Variants in CYP39A1 observed in about 807,000 individuals in gnomAD.
CYP39A1 encodes the protein cytochrome P450 family 39 subfamily A member 1.
A neutral mutation model predicts 58.1 loss-of-function variants in CYP39A1; 49 were observed. That is an observed-to-expected ratio of 0.84 (90% CI 0.67 to 1.07). The LOEUF is 1.07. Ranked by LOEUF, CYP39A1 falls within the 50% of genes least tolerant of loss-of-function variation. The pLI, the probability that CYP39A1 is intolerant of heterozygous loss-of-function variation, is 0.00. For missense variants in CYP39A1, 531 were observed against 539.4 expected (o/e 0.98, Z 0.16); for synonymous variants, 209 against 187.6 (o/e 1.11, Z -0.93).
intron 6 of CYP39A1, among the ~76,000 whole-genome samples, chr6:46,626,099 A>T (rs7761583): frequency 0.2 from 29,943 of 151,842 alleles, 3,230 homozygotes; most frequent in African/African-American, 0.29. Flanking sequence ...AAGAAAAAAA[A>T]TTTTTGAGTC....
intron 10 of CYP39A1, among the ~76,000 whole-genome samples, chr6:46,585,461 G>A (rs1198253412): frequency 6.6e-6 from 1 of 152,126 alleles, no homozygotes; most frequent in East Asian, 1.9e-4. Context: ...CATTTGGTAT[G>A]TGACAAAAAC....
chr6:46,601,274 C>G (rs1319290463), intron 7 of CYP39A1, among the ~76,000 whole-genome samples: 1 of 152,212 alleles, frequency 6.6e-6, no homozygotes. Context: ...CCACTCTTGT[C>G]CAAGCCGTGA....
In CYP39A1 at chr6:46,630,972, A is replaced by G. The variant is rs1340007879; in HGVS notation, c.831T>C (p.Asn277=). 6.2e-7 allele frequency: 1 copy of G among 1,612,338 alleles called. No homozygotes were observed. The highest frequency in any genetic ancestry group is 1.7e-5 in the Admixed American group (1 of 60,020). ...TTACTAATATACTTACAGGAACAGC[A>G]TTAGACAGAGAAGCCCAAAGCAGTA... is the stretch of plus-strand genomic sequence containing the variant. ...GLLLLWASLS[N]AVPVAFWTLA... Residue 277 remains asparagine, a synonymous_variant, in exon 6 of 12, where the codon AAT becomes AAC. Transcript: ENST00000275016.
At chr6:46,585,358 GA>G (rs1346637265) in intron 10 of CYP39A1, among the ~76,000 whole-genome samples, 2 of 151,988 alleles carry the variant, frequency 1.3e-5, no homozygotes, top group Non-Finnish European at 2.9e-5. Flanking sequence ...TAGATAGATA[GA>G]TAGACAGACA....
In CYP39A1 at chr6:46,587,114, T is replaced by A. The variant is rs1226200373; in HGVS notation, c.1213A>T (p.Met405Leu). Residue 405 changes from methionine to leucine, a missense_variant, in exon 10 of 12, where the codon ATG becomes TTG. By Grantham distance (15) the Met-to-Leu change is conservative (BLOSUM62 2). Transcript: ENST00000275016. ...LEKHSFLDCF[M>L]AFGSGKFQCP... ...TGGAACTTCCCGCTTCCAAATGCCATGAAGCAGTCCAAGAAAGAGTGCTTC... is the reference window on the plus strand; with the variant it reads ...TGGAACTTCCCGCTTCCAAATGCCAAGAAGCAGTCCAAGAAAGAGTGCTTC... The A allele has an allele frequency of 9.9e-6, 16 of 1,612,158 alleles. No individual in the cohort carries two copies. Among genetic ancestry groups the A allele is most frequent in the Non-Finnish European group, 1.4e-5 (16 of 1,179,192 alleles).
intron 8 of CYP39A1, among the ~76,000 whole-genome samples, chr6:46,592,295 C>T (rs868707316): frequency 1.2e-4 from 19 of 152,068 alleles, no homozygotes; most frequent in African/African-American, 3.9e-4. Flanking sequence ...AGTTGCCCAA[C>T]AGAGGAGAAA....
chr6:46,635,193 A>C (rs1775906172), intron 5 of CYP39A1, among the ~76,000 whole-genome samples: 1 of 152,246 alleles, frequency 6.6e-6, no homozygotes, highest in South Asian at 2.1e-4. Context: ...AAATATAAAA[A>C]TGTTTGAAGA....
intron 7 of CYP39A1, among the ~76,000 whole-genome samples, chr6:46,605,912 C>A (rs1245677618): frequency 6.6e-6 from 1 of 152,028 alleles, no homozygotes; most frequent in African/African-American, 2.4e-5. Flanking sequence ...TACTTTTTTT[C>A]TATTTTATTT....
chr6:46,583,679 G>T, intron 10 of CYP39A1: 1 of 738,470 alleles, frequency 1.4e-6, no homozygotes, highest in Non-Finnish European at 1.7e-6. Context: ...GTGCCTCGCA[G>T]TGGGATCCTG....
At chr6:46,596,271 C>T (rs1457400034) in intron 7 of CYP39A1, 151 bp from the exon 8 acceptor site, 3 of 546,506 alleles carry the variant, frequency 5.5e-6, no homozygotes, top group Non-Finnish European at 9.3e-6. Context: ...TCATTAATTG[C>T]CTCTTTTTCT....
chr6:46,588,080 A>G lies in CYP39A1; in HGVS notation c.1115T>C (p.Leu372Pro). The G allele has an allele frequency of 6.3e-7, 1 of 1,599,644 alleles. No homozygotes were observed. The highest frequency in any genetic ancestry group is 8.5e-7 in the Non-Finnish European group (1 of 1,172,868). Residue 372 changes from leucine (L) to proline (P), a missense_variant, in exon 9 of 12, where the codon CTG becomes CCG. Transcript: ENST00000275016. ...AGGAAAATACTTTGGATTTCTATGC[A>G]GCCAAAATGGAGACAACATCAACAA... ...GDLLMLSPFW[L>P]HRNPKYFPEP...
intron 5 of CYP39A1, among the ~76,000 whole-genome samples, chr6:46,634,337 A>G (rs889381177): frequency 6.6e-6 from 1 of 152,244 alleles, no homozygotes; most frequent in African/African-American, 2.4e-5. Context: ...TGGAACCATT[A>G]AACCTCTTTC....
chr6:46,645,414 T>C (rs552160767), intron 1 of CYP39A1, among the ~76,000 whole-genome samples: 1 of 152,150 alleles, frequency 6.6e-6, no homozygotes. Context: ...AATTGCTCCA[T>C]CACCATTTGT....
chr6:46,643,690 T>C (rs117606685), intron 1 of CYP39A1, among the ~76,000 whole-genome samples: 1 of 152,360 alleles, frequency 6.6e-6, no homozygotes, highest in East Asian at 1.9e-4. Flanking sequence ...GAGATAATTG[T>C]TGATGTGAGG....
intron 1 of CYP39A1, among the ~76,000 whole-genome samples, chr6:46,648,885 C>T (rs1302389496): frequency 6.6e-6 from 1 of 151,864 alleles, no homozygotes; most frequent in Non-Finnish European, 1.5e-5. Context: ...ATTGTCTATA[C>T]TATTACATGT....
At chr6:46,643,912 C>A (rs1776493034) in intron 1 of CYP39A1, among the ~76,000 whole-genome samples, 1 of 152,110 alleles carries the variant, frequency 6.6e-6, no homozygotes. Context: ...TTTAACTAAA[C>A]TTTTTATTTA....
At chr6:46,563,681 T>A (rs1280439734) in intron 10 of CYP39A1, among the ~76,000 whole-genome samples, 2 of 152,120 alleles carry the variant, frequency 1.3e-5, no homozygotes, top group Non-Finnish European at 2.9e-5. Flanking sequence ...TGACTTTATA[T>A]GGAGGTGAAA....
chr6:46,566,246 T>C (rs1322727390), intron 10 of CYP39A1, among the ~76,000 whole-genome samples: 1 of 152,272 alleles, frequency 6.6e-6, no homozygotes, highest in East Asian at 1.9e-4. Flanking sequence ...GAGCTAATAG[T>C]TTGGCTATCT....
At chr6:46,602,329 T>C (rs1167098174) in intron 7 of CYP39A1, among the ~76,000 whole-genome samples, 1 of 152,140 alleles carries the variant, frequency 6.6e-6, no homozygotes, top group Non-Finnish European at 1.5e-5. Flanking sequence ...AAAAACCTGA[T>C]ATATACTAGA....
Sources: gnomAD v4.1 joint callset for allele counts (sites outside exome capture counted in the v4.1 genomes callset) on GRCh38, gnomAD v4.1.1 for gene constraint, MANE v1.5 for transcripts, NCBI Gene and HGNC (gene_info 2026-07-23, HGNC 2026-07-21) for gene names.